Variants in CACNG2 observed in about 807,000 individuals in gnomAD.
The protein encoded by CACNG2 is calcium voltage-gated channel auxiliary subunit gamma 2, also known as voltage-dependent calcium channel gamma-2 subunit.
CACNG2 carries 3 observed loss-of-function variants against 25.9 expected under a neutral mutation model. The ratio of observed to expected loss-of-function variants is 0.12; its 90% CI spans 0.05 to 0.30. The LOEUF (loss-of-function observed/expected upper bound fraction) is 0.30. Ranked by LOEUF, CACNG2 falls within the 10% of genes least tolerant of loss-of-function variation. CACNG2 has a pLI of 1.00. For synonymous variants in CACNG2, 167 were observed against 173.3 expected (o/e 0.96, Z 0.29); for missense variants, 341 against 432.5 (o/e 0.79, Z 1.88).
In CACNG2 at chr22:36,566,259, C is replaced by A. The variant is rs6000330; in HGVS notation, c.436+94G>T. On this transcript the variant is annotated intron_variant, in intron 3 of 3. Transcript: ENST00000300105. The stretch of plus-strand genomic sequence containing the variant: ...GCAAGTCTTGGAGATTTCCTCTCCT[C>A]TCTCCCCATCTCTCTCTGCCAGGCC... The A allele has an allele frequency of 2.1e-3, 2,681 of 1,265,180 alleles. 40 individuals are homozygous for A. In the African/African-American group the frequency reaches 0.034, roughly 16 times the overall value. 78.4% of individuals were successfully genotyped at this position (1,265,180 alleles called of 1,614,324 possible).
At chr22:36,664,253 C>A (rs914635443) in intron 1 of CACNG2, among the ~76,000 whole-genome samples, 1 of 152,110 alleles carries the variant, frequency 6.6e-6, no homozygotes, top group Non-Finnish European at 1.5e-5. Context: ...CACACACGCA[C>A]AGAATGAGAA....
intron 1 of CACNG2, among the ~76,000 whole-genome samples, chr22:36,659,819 G>T (rs1733130066): frequency 6.6e-6 from 1 of 152,032 alleles, no homozygotes; most frequent in Non-Finnish European, 1.5e-5. Flanking sequence ...ATATCTGCGC[G>T]GCCCCTCCCC....
chr22:36,653,770 G>T (rs1601438101), intron 1 of CACNG2, among the ~76,000 whole-genome samples: 1 of 152,110 alleles, frequency 6.6e-6, no homozygotes, highest in African/African-American at 2.4e-5. Flanking sequence ...AAGCCTGTGG[G>T]ACCTTCAGGA....
Position 36,664,188 on chromosome 22 carries a change from C to G in CACNG2, c.211+38178G>C, listed in dbSNP as rs148150795. On this transcript the variant is annotated intron_variant, in intron 1 of 3. Transcript: ENST00000300105. The stretch of plus-strand genomic sequence containing the variant: ...TATAGGGGAGAGAACATAACTGAAA[C>G]GTTTATAGTAAGGATTTAAGAGCCA... Among the ~76,000 whole-genome samples, 87 of 151,726 alleles carry G rather than the reference C, an allele frequency of 5.7e-4. 1 individual carries two copies. Among genetic ancestry groups the G allele is most frequent in the African/African-American group, 2.0e-3 (81 of 41,312 alleles).
At chr22:36,696,306 CCTCT>C (rs1323986373) in intron 1 of CACNG2, among the ~76,000 whole-genome samples, 1 of 152,068 alleles carries the variant, frequency 6.6e-6, no homozygotes. Context: ...AGTCTCTCTT[CCTCT>C]CTCTCTTTCT....
At chr22:36,626,879 G>C (rs1287948342) in intron 1 of CACNG2, among the ~76,000 whole-genome samples, 1 of 152,262 alleles carries the variant, frequency 6.6e-6, no homozygotes, top group Non-Finnish European at 1.5e-5. Context: ...AGTATGGGGT[G>C]ACAGGCATTT....
intron 2 of CACNG2, among the ~76,000 whole-genome samples, chr22:36,582,093 T>C (rs1935427177): frequency 6.6e-6 from 1 of 152,240 alleles, no homozygotes; most frequent in African/African-American, 2.4e-5. Context: ...TGGTTCAAGC[T>C]GTCATCACCT....
chr22:36,598,445 C>T (rs1386956494), intron 1 of CACNG2, among the ~76,000 whole-genome samples: 1 of 151,116 alleles, frequency 6.6e-6, no homozygotes, highest in Admixed American at 6.6e-5. Context: ...TGGTGAAACC[C>T]TGTCTCTACT....
intron 1 of CACNG2, among the ~76,000 whole-genome samples, chr22:36,671,958 T>C (rs1173260146): frequency 1.3e-5 from 2 of 151,968 alleles, no homozygotes; most frequent in Admixed American, 1.3e-4. Flanking sequence ...GGACTGAGGA[T>C]AGGAACAGGT....
At chr22:36,679,183 TTCCTTCCTTCCTTC>T (rs1426098851) in intron 1 of CACNG2, among the ~76,000 whole-genome samples, 219 of 114,110 alleles carry the variant, frequency 1.9e-3, no homozygotes, top group Non-Finnish European at 3.0e-3. Flanking sequence ...CCTTCCTTCC[TTCCTTCCTTCCTTC>T]CTTTCTTTCT....
At chr22:36,694,297 G>C (rs535628607) in intron 1 of CACNG2, among the ~76,000 whole-genome samples, 3 of 152,256 alleles carry the variant, frequency 2.0e-5, no homozygotes, top group African/African-American at 7.2e-5. Context: ...GGCTGTTTTT[G>C]GTAGACAGGT....
At chr22:36,616,887 AG>A (rs1190041554) in intron 1 of CACNG2, among the ~76,000 whole-genome samples, 2 of 152,208 alleles carry the variant, frequency 1.3e-5, no homozygotes, top group Non-Finnish European at 2.9e-5. Flanking sequence ...GCATTGTGAT[AG>A]GCAAAGGGAT....
chr22:36,691,835 C>A (rs1358663192), intron 1 of CACNG2, among the ~76,000 whole-genome samples: 1 of 152,122 alleles, frequency 6.6e-6, no homozygotes. Context: ...ATTATTGTTA[C>A]TATTAGTATT....
intron 1 of CACNG2, among the ~76,000 whole-genome samples, chr22:36,691,849 G>A (rs1338989384): frequency 1.3e-5 from 2 of 152,184 alleles, no homozygotes; most frequent in Non-Finnish European, 2.9e-5. Context: ...TAGTATTGAA[G>A]TGATGGCAGA....
chr22:36,685,302 C>T (rs962258257), intron 1 of CACNG2, among the ~76,000 whole-genome samples: 2 of 152,158 alleles, frequency 1.3e-5, no homozygotes, highest in East Asian at 1.9e-4. Flanking sequence ...GGGGCCCGCC[C>T]GCGCCCAGGC....
At chr22:36,579,430 A>AT (rs894579976) in intron 2 of CACNG2, among the ~76,000 whole-genome samples, 1 of 143,418 alleles carries the variant, frequency 7.0e-6, no homozygotes, top group African/African-American at 2.5e-5. Context: ...AAAAAAAAAA[A>AT]GCTGCCGGCT....
In CACNG2 at chr22:36,564,890, C is replaced by A; in HGVS notation, c.437-4G>T. 1 of 1,610,960 alleles carries A rather than the reference C, an allele frequency of 6.2e-7. No homozygotes were observed. Among genetic ancestry groups the A allele is most frequent in the Non-Finnish European group, 8.5e-7 (1 of 1,179,834 alleles). ...ATGCCAATGATGTTACTCAGACCTG[C>A]GGGGCGCAGGGTGGCGGGGTGGGGG... On this transcript the variant is annotated splice_polypyrimidine_tract_variant and splice_region_variant and intron_variant, in intron 3 of 3. Coordinates refer to ENST00000300105, the MANE Select transcript of CACNG2 (RefSeq NM_006078.5). This position sits in a 1 kb window ranked among gnomAD's most constrained non-coding sequence, Gnocchi z 6.7.
intron 1 of CACNG2, among the ~76,000 whole-genome samples, chr22:36,590,137 C>G (rs1176215592): frequency 6.6e-6 from 1 of 152,188 alleles, no homozygotes; most frequent in Non-Finnish European, 1.5e-5. Flanking sequence ...CCCGCAGGAA[C>G]AGGAGCTCAC....
intron 1 of CACNG2, among the ~76,000 whole-genome samples, chr22:36,665,682 C>T (rs1280307537): frequency 6.6e-6 from 1 of 152,162 alleles, no homozygotes; most frequent in Non-Finnish European, 1.5e-5. Context: ...CCACTTCACT[C>T]CCATGGGATG....
Sources: allele counts gnomAD v4.1 joint callset (sites outside exome capture counted in the v4.1 genomes callset), GRCh38; gene constraint gnomAD v4.1.1; non-coding constraint Gnocchi (gnomAD v3.1); transcripts MANE v1.5; gene names NCBI Gene and HGNC (gene_info 2026-07-23, HGNC 2026-07-21).